AUH: variants seen among roughly 807,000 people sequenced by gnomAD.
AUH encodes the protein AU RNA binding methylglutaconyl-CoA hydratase.
Under a neutral mutation model 42.3 loss-of-function variants are expected in AUH, and 29 were observed. The observed-to-expected ratio is 0.69, with a 90% CI of 0.51 to 0.93. The LOEUF is 0.93. AUH is among the 40% of genes least tolerant of loss of function. The pLI, the probability that AUH is intolerant of heterozygous loss-of-function variation, is 0.00. For synonymous variants in AUH, 174 were observed against 166.4 expected, an observed-to-expected ratio of 1.05 and a Z score of -0.35; for missense variants, 452 against 438.1, an observed-to-expected ratio of 1.03 and a Z score of -0.28.
At chr9:91,279,297 T>C (rs1223650098) in intron 6 of AUH, among the ~76,000 whole-genome samples, 1 of 152,180 alleles carries the variant, frequency 6.6e-6, no homozygotes, top group Non-Finnish European at 1.5e-5. Flanking sequence ...TTATTATCTT[T>C]ATTGTACAAA....
intron 4 of AUH, among the ~76,000 whole-genome samples, chr9:91,319,350 ACT>A (rs1829395411): frequency 6.6e-6 from 1 of 152,204 alleles, no homozygotes; most frequent in African/African-American, 2.4e-5. Flanking sequence ...CCCCTCAAGT[ACT>A]GTTACAGTAG....
intron 6 of AUH, among the ~76,000 whole-genome samples, chr9:91,268,286 A>G (rs148491025): frequency 3.6e-4 from 55 of 152,346 alleles, no homozygotes; most frequent in African/African-American, 1.3e-3. Flanking sequence ...TAACATTTCT[A>G]TAATGAGAAC....
intron 7 of AUH, among the ~76,000 whole-genome samples, chr9:91,220,185 G>A (rs1482753804): frequency 6.6e-6 from 1 of 152,206 alleles, no homozygotes; most frequent in Non-Finnish European, 1.5e-5. Flanking sequence ...CACGGCCACT[G>A]ATATCACTCC....
At chr9:91,297,757 C>T (rs576326960) in intron 5 of AUH, among the ~76,000 whole-genome samples, 1 of 152,142 alleles carries the variant, frequency 6.6e-6, no homozygotes, top group Admixed American at 6.5e-5. Context: ...GCGCCTGGTC[C>T]AGGACCTAAG....
chr9:91,233,190 G>A (rs940229426), intron 6 of AUH, among the ~76,000 whole-genome samples: 27 of 152,170 alleles, frequency 1.8e-4, no homozygotes, highest in African/African-American at 6.5e-4. Context: ...GAGTGGGGAT[G>A]GGCACAGTTA....
chr9:91,315,442 G>C (rs1829084331), intron 4 of AUH, among the ~76,000 whole-genome samples: 1 of 152,188 alleles, frequency 6.6e-6, no homozygotes, highest in South Asian at 2.1e-4. Flanking sequence ...ATACATTCCT[G>C]TTCCCTTTAC....
chr9:91,249,550 A>G (rs1338506139), intron 6 of AUH, among the ~76,000 whole-genome samples: 2 of 152,144 alleles, frequency 1.3e-5, no homozygotes, highest in East Asian at 3.9e-4. Flanking sequence ...GATCAGCAAT[A>G]TAAGAGATAC....
At chr9:91,253,228 T>C (rs182379655) in intron 6 of AUH, among the ~76,000 whole-genome samples, 1 of 152,342 alleles carries the variant, frequency 6.6e-6, no homozygotes, top group Admixed American at 6.5e-5. Flanking sequence ...ACCATTCTAA[T>C]GTTTAATAGA....
chr9:91,358,145 G>T (rs182331439), intron 1 of AUH, among the ~76,000 whole-genome samples: 4 of 152,230 alleles, frequency 2.6e-5, no homozygotes, highest in Non-Finnish European at 5.9e-5. Context: ...ATGATGCCTA[G>T]ACTGAGGACT....
At chr9:91,294,593 G>A (rs1158599748) in intron 6 of AUH, 1 of 420,354 alleles carries the variant, frequency 2.4e-6, no homozygotes, top group Admixed American at 2.6e-5. Flanking sequence ...GGCTATAGCT[G>A]CCATAGACAG....
chr9:91,292,307 G>A (rs542069001), intron 6 of AUH, among the ~76,000 whole-genome samples: 5 of 141,036 alleles, frequency 3.5e-5, no homozygotes, highest in Non-Finnish European at 7.5e-5. Flanking sequence ...ACGGAGTCTC[G>A]CTCTGTCACC....
At chr9:91,242,134 T>C (rs371950128) in intron 6 of AUH, among the ~76,000 whole-genome samples, 212 of 152,320 alleles carry the variant, frequency 1.4e-3, no homozygotes, top group African/African-American at 4.9e-3. Flanking sequence ...TGACAAGGCA[T>C]TGCCAGGGCG....
chr9:91,216,261 C>T (rs1324440498), intron 8 of AUH, among the ~76,000 whole-genome samples, 155 bp from the exon 9 acceptor site: 6 of 152,146 alleles, frequency 3.9e-5, no homozygotes, highest in African/African-American at 1.4e-4. Flanking sequence ...GACACAGAAC[C>T]AGGCTTCCTG....
chr9:91,335,536 T>C (rs946230435), intron 3 of AUH, among the ~76,000 whole-genome samples: 1 of 152,226 alleles, frequency 6.6e-6, no homozygotes, highest in African/African-American at 2.4e-5. Context: ...GTGTTTTCCA[T>C]GTCATTAGTT....
chr9:91,235,913 C>T (rs1828147624), intron 6 of AUH, among the ~76,000 whole-genome samples: 1 of 152,222 alleles, frequency 6.6e-6, no homozygotes, highest in Non-Finnish European at 1.5e-5. Flanking sequence ...AGTCTCCAAA[C>T]TGAAGATGGC....
At chr9:91,275,756 A>C (rs1361861215) in intron 6 of AUH, among the ~76,000 whole-genome samples, 1 of 152,248 alleles carries the variant, frequency 6.6e-6, no homozygotes, top group African/African-American at 2.4e-5. Flanking sequence ...CTAGTGATCA[A>C]GTGTAATTAT....
At chr9:91,331,818 T>C (rs1369631232) in intron 3 of AUH, among the ~76,000 whole-genome samples, 1 of 152,206 alleles carries the variant, frequency 6.6e-6, no homozygotes, top group Non-Finnish European at 1.5e-5. Flanking sequence ...AAACACACTA[T>C]TCTCTGTTAT....
chr9:91,276,519 T>C (rs1273427435), intron 6 of AUH, among the ~76,000 whole-genome samples: 1 of 151,774 alleles, frequency 6.6e-6, no homozygotes, highest in Non-Finnish European at 1.5e-5. Context: ...TTTAATAAAA[T>C]TATTTTGGAC....
At chr9:91,292,352 C>T (rs1826973104) in intron 6 of AUH, among the ~76,000 whole-genome samples, 1 of 147,562 alleles carries the variant, frequency 6.8e-6, no homozygotes, top group African/African-American at 2.5e-5. Context: ...GATCTCGGCT[C>T]ACTGCAATTT....
Sources: gnomAD v4.1 joint callset for allele counts (sites outside exome capture counted in the v4.1 genomes callset) on GRCh38, gnomAD v4.1.1 for gene constraint, MANE v1.5 for transcripts, NCBI Gene and HGNC (gene_info 2026-07-23, HGNC 2026-07-21) for gene names.